CNTN5: variants seen among roughly 807,000 people sequenced by gnomAD.
CNTN5 encodes the protein contactin-5.
CNTN5 carries 77 observed loss-of-function variants against 129.1 expected under a neutral mutation model. That is an observed-to-expected ratio of 0.60 (90% CI 0.50 to 0.72). The LOEUF (loss-of-function observed/expected upper bound fraction) is 0.72, where lower values mean the gene tolerates loss of function less well. CNTN5 is among the 30% of genes least tolerant of loss of function. CNTN5 has a pLI of 0.00. For synonymous variants in CNTN5, 509 were observed against 465.6 expected, an observed-to-expected ratio of 1.09 and a Z score of -1.20; for missense variants, 1,478 against 1,328.8, an observed-to-expected ratio of 1.11 and a Z score of -1.75.
intron 1 of CNTN5, among the ~76,000 whole-genome samples, chr11:99,110,763 A>G (rs1288403979): frequency 6.6e-6 from 1 of 152,152 alleles, no homozygotes; most frequent in Non-Finnish European, 1.5e-5. Context: ...TAATATCTCT[A>G]TGTTCCACAT....
chr11:99,259,344 GTATTAA>G (rs367637072), intron 1 of CNTN5, among the ~76,000 whole-genome samples: 57 of 151,628 alleles, frequency 3.8e-4, no homozygotes, highest in African/African-American at 1.3e-3. Context: ...TTACACATAA[GTATTAA>G]TATTAATATA....
At chr11:99,985,519 C>T (rs1203081222) in intron 8 of CNTN5, among the ~76,000 whole-genome samples, 2 of 152,040 alleles carry the variant, frequency 1.3e-5, no homozygotes, top group African/African-American at 4.8e-5. Flanking sequence ...GAAAAGGCAA[C>T]ATTCAGTTGG....
chr11:99,518,777 A>G (rs1337225412), intron 2 of CNTN5, among the ~76,000 whole-genome samples: 1 of 152,004 alleles, frequency 6.6e-6, no homozygotes. Context: ...TTCCCAAGTA[A>G]TTATAATAAT....
At chr11:99,900,980 C>G (rs181492714) in intron 6 of CNTN5, among the ~76,000 whole-genome samples, 50 of 152,222 alleles carry the variant, frequency 3.3e-4, no homozygotes, top group African/African-American at 1.1e-3. Context: ...TGGCATCAGA[C>G]ATCCTACTTG....
intron 13 of CNTN5, among the ~76,000 whole-genome samples, chr11:100,180,697 G>A (rs1029771021): frequency 1.3e-5 from 2 of 151,820 alleles, no homozygotes; most frequent in East Asian, 1.9e-4. Flanking sequence ...GGTAAGCTAC[G>A]GACTGGCAGA....
rs555273295 is a variant in CNTN5, at chr11:100,065,245, A to G, written c.1162+3852A>G. Among the ~76,000 whole-genome samples the G allele has an allele frequency of 7.9e-4, 120 of 152,258 alleles. 2 individuals carry two copies. Among genetic ancestry groups the G allele is most frequent in the South Asian group, 4.1e-3 (20 of 4,826 alleles). On this transcript the variant is annotated intron_variant, in intron 10 of 24. Transcript: ENST00000524871. ...ATCCTCACAAATGTTAATCGCTTCT[A>G]TCGTCTGCAATTTGATTGTAAGCTC... is the stretch of plus-strand genomic sequence containing the variant.
At chr11:100,026,125 G>A (rs1941408258) in intron 9 of CNTN5, among the ~76,000 whole-genome samples, 1 of 152,062 alleles carries the variant, frequency 6.6e-6, no homozygotes, top group African/African-American at 2.4e-5. Flanking sequence ...CCTGGTGAAG[G>A]TAACTGAATC....
At chr11:100,308,784 T>G in intron 21 of CNTN5, 1 of 1,001,046 alleles carries the variant, frequency 1.0e-6, no homozygotes, top group Non-Finnish European at 1.2e-6. Context: ...AAAGTTTTTG[T>G]GTCTTCCTTT....
intron 3 of CNTN5, among the ~76,000 whole-genome samples, chr11:99,673,942 G>A (rs1019102300): frequency 6.6e-6 from 1 of 152,076 alleles, no homozygotes; most frequent in African/African-American, 2.4e-5. Flanking sequence ...TATTATAATA[G>A]AACAATTTAT....
At chr11:99,210,287 C>A (rs1859702235) in intron 1 of CNTN5, among the ~76,000 whole-genome samples, 1 of 152,194 alleles carries the variant, frequency 6.6e-6, no homozygotes, top group Non-Finnish European at 1.5e-5. Flanking sequence ...CCTTCCTTCT[C>A]AATTTTTGCA....
chr11:99,863,179 G>A lies in CNTN5; in HGVS notation c.577+17917G>A, dbSNP rs145976506. ...TAGTGAAGAGTAAAATAGAAAATAC[G>A]TGAGTTGCTCTTTCTTCCGTCAAAC... On this transcript the variant is annotated intron_variant, in intron 6 of 24. Transcript: ENST00000524871. 5.3e-5 allele frequency among the ~76,000 whole-genome samples: 8 copies of A among 152,166 alleles called. No homozygotes were observed. The East Asian group carries it at 7.7e-4, about 15-fold the overall frequency.
intron 6 of CNTN5, among the ~76,000 whole-genome samples, chr11:99,859,617 C>T (rs1656177450): frequency 2.0e-5 from 3 of 152,154 alleles, no homozygotes; most frequent in Admixed American, 1.3e-4. Context: ...ATTTTCTGTT[C>T]CTGCATTAAT....
chr11:100,299,169 C>T lies in CNTN5; in HGVS notation c.2393C>T (p.Ser798Phe). 1 of 1,597,762 alleles carries T rather than the reference C, an allele frequency of 6.3e-7. No individual in the cohort carries two copies. Among genetic ancestry groups the T allele is most frequent in the Non-Finnish European group, 8.6e-7 (1 of 1,168,994 alleles). The part of the protein sequence containing the change: ...HELVIAWEPV[S>F]EEFQNGEGFG... Reference sequence around the variant, plus strand: ...TATATTTTTCTTCTTTAGCCAGTATCTGAAGAGTTTCAGAATGGGGAAGGC... The same window carrying T: ...TATATTTTTCTTCTTTAGCCAGTATTTGAAGAGTTTCAGAATGGGGAAGGC... Residue 798 changes from serine to phenylalanine, a missense_variant, in exon 20 of 25, where the codon TCT becomes TTT. Ser to Phe is a radical substitution (Grantham distance 155). Coordinates refer to ENST00000524871, the MANE Select transcript of CNTN5 (RefSeq NM_014361.4).
At chr11:99,692,022 C>A (rs776650732) in intron 3 of CNTN5, among the ~76,000 whole-genome samples, 1 of 152,034 alleles carries the variant, frequency 6.6e-6, no homozygotes, top group African/African-American at 2.4e-5. Flanking sequence ...TCTGATCTTT[C>A]TTGGTTTAGT....
chr11:99,585,553 C>A (rs1591319610), intron 3 of CNTN5, among the ~76,000 whole-genome samples: 1 of 152,022 alleles, frequency 6.6e-6, no homozygotes, highest in Non-Finnish European at 1.5e-5. Context: ...ATTTTAAGAT[C>A]ATTTAATACA....
intron 9 of CNTN5, among the ~76,000 whole-genome samples, chr11:100,049,746 A>G (rs891667062): frequency 4.0e-5 from 6 of 150,492 alleles, no homozygotes; most frequent in Admixed American, 1.3e-4. Context: ...GCTAATATCC[A>G]GAATCTACAA....
At chr11:99,176,286 C>T (rs957330827) in intron 1 of CNTN5, among the ~76,000 whole-genome samples, 3 of 151,990 alleles carry the variant, frequency 2.0e-5, no homozygotes, top group African/African-American at 7.3e-5. Context: ...ACTTTCAGTG[C>T]TTAGTCATTA....
At chr11:99,731,658 C>T (rs984595171) in intron 3 of CNTN5, among the ~76,000 whole-genome samples, 3 of 152,136 alleles carry the variant, frequency 2.0e-5, no homozygotes, top group African/African-American at 7.2e-5. Context: ...CACCACCATC[C>T]TCAGTATCTC....
At chr11:99,238,064 G>A (rs1861368225) in intron 1 of CNTN5, among the ~76,000 whole-genome samples, 1 of 152,092 alleles carries the variant, frequency 6.6e-6, no homozygotes, top group African/African-American at 2.4e-5. Flanking sequence ...TGAATATAAT[G>A]TCCTCTAAAG....
Sources: gnomAD v4.1 joint callset for allele counts (sites outside exome capture counted in the v4.1 genomes callset) on GRCh38, gnomAD v4.1.1 for gene constraint, MANE v1.5 for transcripts, NCBI Gene and HGNC (gene_info 2026-07-23, HGNC 2026-07-21) for gene names.